Variants in L3MBTL1 observed in about 807,000 individuals in gnomAD.
L3MBTL1 encodes lethal(3)malignant brain tumor-like protein 1.
Under a neutral mutation model 105.3 loss-of-function variants are expected in L3MBTL1, and 75 were observed. The ratio of observed to expected loss-of-function variants is 0.71; its 90% confidence interval spans 0.59 to 0.86. The LOEUF is 0.86. Among genes scored for constraint, L3MBTL1 ranks in the 40% least tolerant of loss-of-function variants. L3MBTL1 has a pLI of 0.00. For synonymous variants in L3MBTL1, 452 were observed against 436.2 expected (o/e 1.04, Z -0.45); for missense variants, 1,069 against 1,126.4 (o/e 0.95, Z 0.73).
At chr20:43,532,539 T>G in intron 11 of L3MBTL1, 1 of 468,392 alleles carries the variant, frequency 2.1e-6, no homozygotes, top group Non-Finnish European at 3.8e-6. Context: ...ACTTACCTTC[T>G]GACACAAGCC....
intron 19 of L3MBTL1, among the ~76,000 whole-genome samples, chr20:43,537,313 G>A (rs1044391407): frequency 6.6e-6 from 1 of 152,222 alleles, no homozygotes; most frequent in African/African-American, 2.4e-5. Flanking sequence ...GGTGTTGGCA[G>A]GCTTGATTTC....
intron 7 of L3MBTL1, among the ~76,000 whole-genome samples, chr20:43,521,721 T>G (rs956716994): frequency 1.3e-4 from 20 of 152,186 alleles, no homozygotes; most frequent in South Asian, 6.2e-4. Flanking sequence ...TATTTTATTT[T>G]TTATCATTAT....
intron 9 of L3MBTL1, 39 bp downstream of exon 9, chr20:43,529,407 C>A: frequency 7.2e-7 from 1 of 1,385,408 alleles, no homozygotes; most frequent in Non-Finnish European, 1.0e-6. Flanking sequence ...GATGATGTCT[C>A]TCAGTGCAGA....
intron 6 of L3MBTL1, 28 bp downstream of exon 6, chr20:43,515,443 G>A: frequency 1.9e-6 from 3 of 1,547,872 alleles, no homozygotes; most frequent in Non-Finnish European, 2.6e-6. Flanking sequence ...GGGAAGGGAG[G>A]GGGAAGCTAT....
intron 7 of L3MBTL1, among the ~76,000 whole-genome samples, chr20:43,525,635 G>A (rs2018992603): frequency 1.3e-5 from 2 of 152,168 alleles, no homozygotes; most frequent in South Asian, 4.1e-4. Context: ...AATAGAAAAA[G>A]GAGGCAGGAA....
downstream of L3MBTL1, among the ~76,000 whole-genome samples, chr20:43,543,361 C>T (rs1232375928): frequency 6.6e-6 from 1 of 152,154 alleles, no homozygotes; most frequent in Non-Finnish European, 1.5e-5. Context: ...CACAGGTCTT[C>T]GAATGTAGTT....
Position 43,548,126 on chromosome 20 carries a change from GCCTT to G in L3MBTL1, c.2145_2148del (p.Leu716CysfsTer2). The G allele has an allele frequency of 7.7e-7, 1 of 1,303,938 alleles. No homozygotes were observed. Among genetic ancestry groups the G allele is most frequent in the Non-Finnish European group, 1.0e-6 (1 of 989,002 alleles). The allele number at this position is 1,303,938 out of a possible 1,614,324, so 80.8% of individuals were successfully genotyped here. ...AACCCCTCAGATGATTGACGGCGAG[GCCTT>G]CCTTTTGCTGACACAGGCGGACATT... On this transcript the variant is annotated frameshift_variant, in exon 19 of 19. Coordinates refer to the L3MBTL1 transcript ENST00000422861. LOFTEE classifies it high-confidence loss of function.
Position 43,515,281 on chromosome 20 carries a change from C to T in L3MBTL1, c.654-11C>T. ...CGGGTGGTTCTTTCCCTAAGGCTGG[C>T]CCTTCCTCAGGTCAGTCATAGTGGA... On this transcript the variant is annotated splice_polypyrimidine_tract_variant and intron_variant, in intron 5 of 21. Coordinates refer to ENST00000418998, the MANE Select transcript of L3MBTL1 (RefSeq NM_001377303.1). 1 of 1,609,152 alleles carries T rather than the reference C, an allele frequency of 6.2e-7. No homozygotes were observed. The highest frequency in any genetic ancestry group is 8.5e-7 in the Non-Finnish European group (1 of 1,177,384).
intron 10 of L3MBTL1, 90 bp downstream of exon 10, chr20:43,530,509 G>A: frequency 7.0e-7 from 1 of 1,428,556 alleles, no homozygotes; most frequent in Non-Finnish European, 9.6e-7. Context: ...CAGCTCTTTT[G>A]TTTTCTGACC....
At chr20:43,535,397 A>G (rs1466981219) in intron 16 of L3MBTL1, among the ~76,000 whole-genome samples, 2 of 152,154 alleles carry the variant, frequency 1.3e-5, no homozygotes, top group Admixed American at 6.5e-5. Flanking sequence ...CCCTGCTGCA[A>G]CCGTGTTTGT....
chr20:43,523,197 G>A (rs1378114241), intron 7 of L3MBTL1: 1 of 152,970 alleles, frequency 6.5e-6, no homozygotes, highest in African/African-American at 2.4e-5. Context: ...AATAGTGGAA[G>A]TTTGAAGATT....
chr20:43,510,076 G>T (rs1337455176), intron 1 of L3MBTL1, among the ~76,000 whole-genome samples: 1 of 152,138 alleles, frequency 6.6e-6, no homozygotes, highest in Non-Finnish European at 1.5e-5. Context: ...TGTTGTCCAG[G>T]CTGGTTTTGA....
chr20:43,530,027 C>T (rs1185598110), intron 9 of L3MBTL1, among the ~76,000 whole-genome samples: 2 of 152,134 alleles, frequency 1.3e-5, no homozygotes, highest in African/African-American at 4.8e-5. Flanking sequence ...GAATTCTGTC[C>T]AGGGCTCAAA....
In L3MBTL1 at chr20:43,535,031, G is replaced by A. The variant is rs2019535587; in HGVS notation, c.1825+89G>A. On this transcript the variant is annotated intron_variant, in intron 16 of 21. Coordinates refer to ENST00000418998, the MANE Select transcript of L3MBTL1 (RefSeq NM_001377303.1). Reference sequence around the variant, plus strand: ...TGCCTACAGAGCTCTGACTCCCCATGCCCAAATATGACACAGAGGGCTCTG... The same window carrying A: ...TGCCTACAGAGCTCTGACTCCCCATACCCAAATATGACACAGAGGGCTCTG... 2.6e-5 allele frequency: 21 copies of A among 820,432 alleles called. 1 individual carries two copies. The South Asian group carries it at 3.3e-4, about 13-fold the overall frequency. The allele number at this position is 820,432 out of a possible 1,614,324, so 50.8% of individuals were successfully genotyped here.
chr20:43,535,440 C>G (rs1182253756), intron 16 of L3MBTL1, among the ~76,000 whole-genome samples: 1 of 152,142 alleles, frequency 6.6e-6, no homozygotes, highest in Non-Finnish European at 1.5e-5. Flanking sequence ...CTTGAATGTT[C>G]TCCAAGCATA....
At chr20:43,533,472 C>T (rs990447500) in intron 13 of L3MBTL1, 54 bp downstream of exon 13, 8 of 1,475,136 alleles carry the variant, frequency 5.4e-6, no homozygotes, top group South Asian at 2.4e-5. Flanking sequence ...CTGCTTCCCT[C>T]TCCACTGACC....
chr20:43,513,383 G>C (rs1261933910), intron 1 of L3MBTL1, 93 bp from the exon 2 acceptor site: 2 of 1,322,736 alleles, frequency 1.5e-6, no homozygotes, highest in African/African-American at 1.5e-5. Flanking sequence ...AAGGTGGCTA[G>C]CTTCTCAAAG....
At chr20:43,520,743 A>G (rs2018663236) in intron 7 of L3MBTL1, among the ~76,000 whole-genome samples, 2 of 152,290 alleles carry the variant, frequency 1.3e-5, no homozygotes, top group African/African-American at 4.8e-5. Context: ...ATTGGGTTTA[A>G]AAAACAGATT....
chr20:43,513,531 C>G lies in L3MBTL1; in HGVS notation c.28C>G (p.Leu10Val). The change falls in exon 2 of 22, where the codon CTG (leucine) becomes GTG (valine). Residue 10 changes from leucine (L) to valine (V), a missense_variant. Transcript: ENST00000418998. ...GGAGGGGCATGCTGAAATGGAGATGCTGAGGACACTGAAGGGGCCTTCCAC... is the reference window on the plus strand; with the variant it reads ...GGAGGGGCATGCTGAAATGGAGATGGTGAGGACACTGAAGGGGCCTTCCAC... Reference protein sequence around the residue: MEGHAEMEMLRTLKGPSTGE... With the variant: MEGHAEMEMVRTLKGPSTGE... The G allele has an allele frequency of 6.4e-7, 1 of 1,550,826 alleles. No homozygotes were observed. The highest frequency in any genetic ancestry group is 8.7e-7 in the Non-Finnish European group (1 of 1,147,034).
Sources: gnomAD v4.1 joint callset for allele counts (sites outside exome capture counted in the v4.1 genomes callset) on GRCh38, gnomAD v4.1.1 for gene constraint, MANE v1.5 for transcripts, NCBI Gene and HGNC (gene_info 2026-07-23, HGNC 2026-07-21) for gene names.